The following SUPT5H variants were observed in gnomAD, a reference collection of about 807,000 sequenced individuals.
SUPT5H encodes the protein SPT5 homolog, DSIF elongation factor subunit, also known as transcription elongation factor SPT5.
A neutral mutation model predicts 142.5 loss-of-function variants in SUPT5H; 24 were observed. The ratio of observed to expected loss-of-function variants is 0.17; its 90% CI spans 0.12 to 0.24. SUPT5H has a LOEUF of 0.24. SUPT5H is among the 10% of genes least tolerant of loss of function. The pLI is 1.00. For missense variants in SUPT5H, 893 were observed against 1,471.8 expected (o/e 0.61, Z 6.43); for synonymous variants, 546 against 553.0 (o/e 0.99, Z 0.18).
In SUPT5H at chr19:39,476,668, A is replaced by C; in HGVS notation, c.*269A>C. Reference sequence around the variant, plus strand: ...CAATAAAAAGAAGCTGTTTGGTCTAAAAGTGCGTGTGTGTGTGTGTGTGTG... The same window carrying C: ...CAATAAAAAGAAGCTGTTTGGTCTACAAGTGCGTGTGTGTGTGTGTGTGTG... On this transcript the variant is annotated 3_prime_UTR_variant, in exon 30 of 30. Transcript: ENST00000432763. 8.7e-6 allele frequency: 4 copies of C among 460,872 alleles called. No individual in the cohort carries two copies. The highest frequency in any genetic ancestry group is 7.9e-5 in the East Asian group (2 of 25,194). The allele number at this position is 460,872 out of a possible 1,614,324, so 28.5% of individuals were successfully genotyped here. A position where few individuals can be genotyped will look rare whatever the true frequency, so the allele number is the denominator to read the frequency against.
rs746682843 is a variant in SUPT5H at position 39,469,280 on chromosome 19, A to G, written c.1256A>G (p.Asn419Ser). 1.3e-5 allele frequency: 21 copies of G among 1,614,068 alleles called. No homozygotes were observed. The highest frequency in any genetic ancestry group is 3.3e-5 in the South Asian group (3 of 91,082). Residue 419 changes from asparagine to serine, a missense_variant, in exon 16 of 30, where the codon AAC (asparagine) becomes AGC (serine). Transcript: ENST00000432763. This position sits in a 1 kb window ranked among gnomAD's most constrained non-coding sequence, Gnocchi z 5.1. ...CCTGCAGGGAAGGAGCGGGAGCACA[A>G]CTTCCAACCTGGGGACAACGTGGAG... ...TESTGKEREHNFQPGDNVEVC... is the reference protein window; with the variant it reads ...TESTGKEREHSFQPGDNVEVC...
At chr19:39,451,564 G>C (rs1432270532) in intron 2 of SUPT5H, among the ~76,000 whole-genome samples, 1 of 149,588 alleles carries the variant, frequency 6.7e-6, no homozygotes, top group Non-Finnish European at 1.5e-5. Context: ...CAGTGTCTTG[G>C]TCCATTGGCC....
In SUPT5H at chr19:39,471,730, G is replaced by A; in HGVS notation, c.1950G>A (p.Lys650=). 1 of 1,613,560 alleles carries A rather than the reference G, an allele frequency of 6.2e-7. No homozygotes were observed. Among genetic ancestry groups the A allele is most frequent in the Non-Finnish European group, 8.5e-7 (1 of 1,179,718 alleles). ...ACCTGGTGCTGGCTGGGGGCTCAAA[G>A]GTGAGGTGGGCATGGCAGGACCCTG... The part of the protein sequence containing the change: ...TRHLVLAGGS[K]PRDVTNFTVG... The change falls in exon 20 of 30, where the codon AAG becomes AAA. Residue 650 remains lysine (K), a splice_region_variant and synonymous_variant. Coordinates refer to ENST00000432763, the MANE Select transcript of SUPT5H (RefSeq NM_001111020.3).
intron 7 of SUPT5H, 34 bp from the exon 8 acceptor site, chr19:39,459,150 C>T (rs1357935136): frequency 1.9e-6 from 3 of 1,611,210 alleles, no homozygotes; most frequent in Non-Finnish European, 2.5e-6. Flanking sequence ...TCTGACAGAG[C>T]TTCACCCCTT....
Position 39,458,936 on chromosome 19 carries a change from T to G in SUPT5H, c.389+49T>G, listed in dbSNP as rs200922997. On this transcript the variant is annotated intron_variant, in intron 6 of 29. Transcript: ENST00000432763. This position sits in a 1 kb window ranked among gnomAD's most constrained non-coding sequence, Gnocchi z 4.2. Reference sequence around the variant, plus strand: ...TGGGATTGGCTCCTGTGGGGAGATTTGGGAGTAGGTCAGCCCACCTGCTGT... The same window carrying G: ...TGGGATTGGCTCCTGTGGGGAGATTGGGGAGTAGGTCAGCCCACCTGCTGT... 3.3e-5 allele frequency: 53 copies of G among 1,613,910 alleles called. No individual in the cohort carries two copies. Among genetic ancestry groups the G allele is most frequent in the Admixed American group, 8.3e-5 (5 of 60,002 alleles).
Position 39,474,407 on chromosome 19 carries a change from T to C in SUPT5H, c.2820+5T>C. The C allele has an allele frequency of 1.2e-6, 2 of 1,613,188 alleles. No homozygotes were observed. The highest frequency in any genetic ancestry group is 1.7e-6 in the Non-Finnish European group (2 of 1,179,312). On this transcript the variant is annotated splice_donor_5th_base_variant and intron_variant, in intron 27 of 29. Coordinates refer to ENST00000432763, the MANE Select transcript of SUPT5H (RefSeq NM_001111020.3). This position sits in a 1 kb window ranked among gnomAD's most constrained non-coding sequence, Gnocchi z 6.5. ...CCGTCGCCCATGGCCTATCAGGTAA[T>C]GGTCTGCCTGCCTGCCCTGAAGGGT...
intron 13 of SUPT5H, 39 bp from the exon 14 acceptor site, chr19:39,468,717 A>G: frequency 1.5e-5 from 23 of 1,575,664 alleles, no homozygotes; most frequent in Non-Finnish European, 1.7e-5. Context: ...TTTCTTCTTG[A>G]CTCTCCCTTC....
chr19:39,449,349 C>T (rs963281543), intron 2 of SUPT5H, among the ~76,000 whole-genome samples: 3 of 152,078 alleles, frequency 2.0e-5, no homozygotes, highest in Non-Finnish European at 4.4e-5. Context: ...GACAAGGTTC[C>T]TAGAAATCAG....
rs71169597 is a variant in SUPT5H at position 39,462,839 on chromosome 19, CT to C, written c.625-1941del. Among the ~76,000 whole-genome samples the C allele has an allele frequency of 4.2e-4, 46 of 110,330 alleles. 1 individual carries two copies. Among genetic ancestry groups the C allele is most frequent in the East Asian group, 1.2e-3 (5 of 4,044 alleles). 72.4% of individuals were successfully genotyped at this position (110,330 alleles called of 152,430 possible). On this transcript the variant is annotated intron_variant, in intron 10 of 29. Coordinates refer to ENST00000432763, the MANE Select transcript of SUPT5H (RefSeq NM_001111020.3). ...AGCCACTGTGCCCAGCCTTAATTTT[CT>C]TTTTTTTTTTTTTTTTTGAGACAGA...
intron 10 of SUPT5H, among the ~76,000 whole-genome samples, chr19:39,462,887 T>C (rs1396932272): frequency 1.2e-4 from 16 of 138,796 alleles, no homozygotes. Flanking sequence ...TTGCCCAGGC[T>C]GGAGTGCAAT....
rs758013933 is a variant in SUPT5H, at chr19:39,474,761, T to C, written c.3024+43T>C. 6.4e-7 allele frequency: 1 copy of C among 1,562,466 alleles called. No homozygotes were observed. Among genetic ancestry groups the C allele is most frequent in the Non-Finnish European group, 8.7e-7 (1 of 1,151,868 alleles). ...TGGTGGGTGAGCAGGCATCCTCTCC[T>C]TGGTACCCCCTAAACTGGAGACAGA... On this transcript the variant is annotated intron_variant, in intron 28 of 29. Transcript: ENST00000432763. This position sits in a 1 kb window ranked among gnomAD's most constrained non-coding sequence, Gnocchi z 6.5.
Position 39,458,147 on chromosome 19 carries a change from CCTTT to C in SUPT5H, c.308-144_308-141del, listed in dbSNP as rs2079114957. On this transcript the variant is annotated intron_variant, in intron 4 of 29. Coordinates refer to ENST00000432763, the MANE Select transcript of SUPT5H (RefSeq NM_001111020.3). The surrounding 1 kb of genome is among the most constrained non-coding windows in gnomAD (Gnocchi z 4.2). ...CCTGGCCTTTACTTTTGGTTTTCAA[CCTTT>C]CTGTGTCCCTCCCTTCCCCTCCCCC... The C allele has an allele frequency of 2.2e-6, 3 of 1,372,508 alleles. No individual in the cohort carries two copies. The highest frequency in any genetic ancestry group is 2.9e-6 in the Non-Finnish European group (3 of 1,028,774). 85.0% of individuals were successfully genotyped at this position (1,372,508 alleles called of 1,614,324 possible).
At chr19:39,452,695 A>G (rs1173108032) in intron 2 of SUPT5H, among the ~76,000 whole-genome samples, 1 of 152,068 alleles carries the variant, frequency 6.6e-6, no homozygotes, top group Non-Finnish European at 1.5e-5. Flanking sequence ...AGAGGACGAG[A>G]TGGCCTTGGG....
At position 39,458,083 on chromosome 19, in the gene SUPT5H, G is replaced by A; in HGVS notation, c.308-211G>A. On this transcript the variant is annotated intron_variant, in intron 4 of 29. Coordinates refer to ENST00000432763, the MANE Select transcript of SUPT5H (RefSeq NM_001111020.3). This position sits in a 1 kb window ranked among gnomAD's most constrained non-coding sequence, Gnocchi z 4.2. ...CTTTCCCCGTTATTTTCCGTTCTGT[G>A]CGCCTCATACATTTCGGCTTCTCCC... 2.4e-6 allele frequency: 2 copies of A among 836,316 alleles called. No homozygotes were observed. Among genetic ancestry groups the A allele is most frequent in the Non-Finnish European group, 3.7e-6 (2 of 546,844 alleles). 51.8% of individuals were successfully genotyped at this position (836,316 alleles called of 1,614,324 possible).
chr19:39,472,644 G>T lies in SUPT5H; in HGVS notation c.2035+151G>T. ...CAGGAGGGTAGACGCCACAGTGACA[G>T]CCCAGAATGGTCAGGGCTTCCATAG... On this transcript the variant is annotated intron_variant, in intron 21 of 29. Coordinates refer to ENST00000432763, the MANE Select transcript of SUPT5H (RefSeq NM_001111020.3). This position sits in a 1 kb window ranked among gnomAD's most constrained non-coding sequence, Gnocchi z 4.2. 7.2e-7 allele frequency: 1 copy of T among 1,394,828 alleles called. No individual in the cohort carries two copies. Among genetic ancestry groups the T allele is most frequent in the Non-Finnish European group, 9.7e-7 (1 of 1,033,492 alleles). The allele number at this position is 1,394,828 out of a possible 1,614,324, so 86.4% of individuals were successfully genotyped here.
chr19:39,474,571 C>A lies in SUPT5H; in HGVS notation c.2877C>A (p.Ser959=). Residue 959 remains serine (S), a synonymous_variant, in exon 28 of 30, where the codon TCC becomes TCA. Coordinates refer to ENST00000432763, the MANE Select transcript of SUPT5H (RefSeq NM_001111020.3). The surrounding 1 kb of genome is among the most constrained non-coding windows in gnomAD (Gnocchi z 6.5). ...GTCCTATGACACCTGGAGCTCCCTC[C>A]CCTGGTGGCTACAACCCACACACGC... The part of the protein sequence containing the change: ...GYSPMTPGAP[S]PGGYNPHTPG... 6.2e-7 allele frequency: 1 copy of A among 1,614,250 alleles called. No homozygotes were observed. The highest frequency in any genetic ancestry group is 8.5e-7 in the Non-Finnish European group (1 of 1,180,046).
chr19:39,471,556 G>A (rs372991352), intron 19 of SUPT5H, 49 bp from the exon 20 acceptor site: 3 of 1,613,864 alleles, frequency 1.9e-6, no homozygotes, highest in Middle Eastern at 1.7e-4. Flanking sequence ...TGGTTGGTTG[G>A]GGGTGAGGGG....
Position 39,475,870 on chromosome 19 carries a change from T to G in SUPT5H, c.3025-211T>G. 4 of 583,338 alleles carry G rather than the reference T, an allele frequency of 6.9e-6. No homozygotes were observed. The South Asian group carries it at 8.6e-5, about 13-fold the overall frequency. The allele number at this position is 583,338 out of a possible 1,614,324, so 36.1% of individuals were successfully genotyped here. ...TCTCCTTTTTGCCTGTTAGCTTCAT[T>G]CTGATGCTTCCCTTGCTGATTGGGT... On this transcript the variant is annotated intron_variant, in intron 28 of 29. Coordinates refer to ENST00000432763, the MANE Select transcript of SUPT5H (RefSeq NM_001111020.3).
In SUPT5H at chr19:39,466,696, A is replaced by C; in HGVS notation, c.988A>C (p.Lys330Gln). The C allele has an allele frequency of 6.2e-7, 1 of 1,614,022 alleles. No individual in the cohort carries two copies. Among genetic ancestry groups the C allele is most frequent in the South Asian group, 1.1e-5 (1 of 91,078 alleles). The part of the protein sequence containing the change: ...MSLKDWFAKR[K>Q]KFKRPPQRLF... ...ATAGAAAGACTGGTTTGCCAAAAGG[A>C]AGAAGTTTAAGCGGCCTCCACAGAG... The change falls in exon 13 of 30, where the codon AAG becomes CAG. Residue 330 changes from lysine to glutamine, a missense_variant. By Grantham distance (53) the Lys-to-Gln change is moderately conservative. Transcript: ENST00000432763. This position sits in a 1 kb window ranked among gnomAD's most constrained non-coding sequence, Gnocchi z 4.3.
Sources: allele counts gnomAD v4.1 joint callset (sites outside exome capture counted in the v4.1 genomes callset), GRCh38; gene constraint gnomAD v4.1.1; non-coding constraint Gnocchi (gnomAD v3.1); transcripts MANE v1.5; gene names NCBI Gene and HGNC (gene_info 2026-07-23, HGNC 2026-07-21).